SAMMSON: variants seen among roughly 807,000 people sequenced by gnomAD.
SAMMSON encodes the protein survival associated mitochondrial melanoma specific oncogenic non-coding RNA.
intron 4 of SAMMSON, among the ~76,000 whole-genome samples, chr3:70,236,462 A>C (rs1701609957): frequency 6.6e-6 from 1 of 152,172 alleles, no homozygotes; most frequent in Admixed American, 6.5e-5. Flanking sequence ...TCCCACTTGC[A>C]ACATGTTCTT....
chr3:70,396,808 G>A (rs914966834), intron 2 of SAMMSON, among the ~76,000 whole-genome samples: 1 of 152,134 alleles, frequency 6.6e-6, no homozygotes, highest in Non-Finnish European at 1.5e-5. Context: ...GGAATGCAAA[G>A]ACATCATCTC....
chr3:70,219,985 G>A (rs1274379447), intron 4 of SAMMSON, among the ~76,000 whole-genome samples: 2 of 152,018 alleles, frequency 1.3e-5, no homozygotes. Context: ...CTAAAATTTA[G>A]TAAAAAGAGA....
chr3:70,432,815 C>G lies in SAMMSON; in HGVS notation n.234-29745C>G, dbSNP rs544470029. 1.2e-4 allele frequency among the ~76,000 whole-genome samples: 18 copies of G among 152,118 alleles called. No individual in the cohort carries two copies. In the East Asian group the frequency reaches 1.5e-3, roughly 13 times the overall value. On this transcript the variant is annotated intron_variant and non_coding_transcript_variant, in intron 2 of 3. Coordinates refer to the SAMMSON transcript ENST00000641053. ...AATACCCCGTGCTCCACCTATTCATCCCTCCCTCTTTCACCCAGAATCCCT... is the reference window on the plus strand; with the variant it reads ...AATACCCCGTGCTCCACCTATTCATGCCTCCCTCTTTCACCCAGAATCCCT...
intron 9 of SAMMSON, among the ~76,000 whole-genome samples, chr3:70,365,438 A>G (rs1371089454): frequency 6.6e-6 from 1 of 151,768 alleles, no homozygotes; most frequent in Non-Finnish European, 1.5e-5. Context: ...CTGTACCTAT[A>G]TTAGACTCAA....
chr3:70,031,418 A>T (rs1454088881), intron 3 of SAMMSON, among the ~76,000 whole-genome samples: 1 of 152,120 alleles, frequency 6.6e-6, no homozygotes, highest in Non-Finnish European at 1.5e-5. Context: ...TTTAATGGGT[A>T]CAAAGTTTCC....
At chr3:70,300,743 A>AACCC (rs1257728119) in intron 7 of SAMMSON, among the ~76,000 whole-genome samples, 1 of 152,100 alleles carries the variant, frequency 6.6e-6, no homozygotes, top group African/African-American at 2.4e-5. Flanking sequence ...AATGTTACAA[A>AACCC]ACCCATACTT....
intron 4 of SAMMSON, chr3:70,126,499 C>A: frequency 6.3e-6 from 4 of 630,510 alleles, no homozygotes; most frequent in South Asian, 5.1e-5. Context: ...CCTCAGCGGT[C>A]AGCTCAGCTG....
intron 4 of SAMMSON, among the ~76,000 whole-genome samples, chr3:70,135,375 T>G (rs977449755): frequency 4.6e-5 from 7 of 152,202 alleles, no homozygotes; most frequent in African/African-American, 1.7e-4. Flanking sequence ...ATTTCACCTA[T>G]TCACAATTAG....
chr3:70,340,808 G>A (rs1158508323), intron 7 of SAMMSON, among the ~76,000 whole-genome samples: 3 of 152,028 alleles, frequency 2.0e-5, no homozygotes, highest in Admixed American at 2.0e-4. Context: ...TTACTTAGCT[G>A]ATTTTGCTTG....
At position 70,232,683 on chromosome 3, in the gene SAMMSON, TC is replaced by T. The variant is rs1701571844; in HGVS notation, n.508-16422del. 2.6e-5 allele frequency among the ~76,000 whole-genome samples: 4 copies of T among 152,008 alleles called. 1 individual carries two copies. In the South Asian group the frequency reaches 8.3e-4, roughly 32 times the overall value. On this transcript the variant is annotated intron_variant and non_coding_transcript_variant, in intron 4 of 9. Coordinates refer to ENST00000642114, the Ensembl canonical transcript of SAMMSON. ...AAAGTGCTTAGGATGAAGACATCAT[TC>T]CTGAAACCCCTCAACAAGAGAGGTA...
chr3:70,053,642 A>G (rs2067155117), intron 3 of SAMMSON, among the ~76,000 whole-genome samples: 1 of 152,100 alleles, frequency 6.6e-6, no homozygotes, highest in African/African-American at 2.4e-5. Flanking sequence ...CTGGATGCAT[A>G]TATATTTTGA....
At chr3:70,007,899 G>A (rs533008432) in intron 1 of SAMMSON, among the ~76,000 whole-genome samples, 5 of 151,970 alleles carry the variant, frequency 3.3e-5, no homozygotes, top group Non-Finnish European at 7.4e-5. Context: ...TTTGTTAAAT[G>A]GGGAATCCTT....
intron 4 of SAMMSON, among the ~76,000 whole-genome samples, chr3:70,146,914 T>G (rs1209471197): frequency 1.3e-5 from 2 of 151,984 alleles, no homozygotes; most frequent in East Asian, 3.9e-4. Flanking sequence ...GATATAATTA[T>G]TAATGTAGAA....
chr3:70,029,930 C>T (rs2067058127), intron 3 of SAMMSON, among the ~76,000 whole-genome samples: 1 of 152,166 alleles, frequency 6.6e-6, no homozygotes, highest in East Asian at 1.9e-4. Flanking sequence ...GAGAGATTCT[C>T]ACTTCTAGAA....
chr3:70,433,755 G>A (rs942369565), intron 2 of SAMMSON, among the ~76,000 whole-genome samples: 4 of 152,102 alleles, frequency 2.6e-5, no homozygotes, highest in Non-Finnish European at 5.9e-5. Flanking sequence ...TTCCCCCCAT[G>A]TTATGTAATA....
At position 70,144,003 on chromosome 3, in the gene SAMMSON, T is replaced by A. The variant is rs530451710; in HGVS notation, n.507+72438T>A. On this transcript the variant is annotated intron_variant and non_coding_transcript_variant, in intron 4 of 9. Coordinates refer to ENST00000642114, the Ensembl canonical transcript of SAMMSON. ...AAACATTTTTGAAGACAACTTTGGA[T>A]TCCTATCAAAGTACACTTAGATATT... Among the ~76,000 whole-genome samples, 5 of 152,302 alleles carry A rather than the reference T, an allele frequency of 3.3e-5. No homozygotes were observed. The South Asian group carries it at 1.0e-3, about 32-fold the overall frequency.
intron 4 of SAMMSON, among the ~76,000 whole-genome samples, chr3:70,186,556 C>A (rs561987903): frequency 6.6e-6 from 1 of 152,032 alleles, no homozygotes; most frequent in South Asian, 2.1e-4. Flanking sequence ...GGATTACAGG[C>A]GTGAGCCAGC....
At chr3:70,028,031 T>C (rs1467336437) in intron 3 of SAMMSON, among the ~76,000 whole-genome samples, 1 of 152,190 alleles carries the variant, frequency 6.6e-6, no homozygotes, top group Non-Finnish European at 1.5e-5. Context: ...AAAAGCCACT[T>C]AATACTTTAC....
At chr3:70,334,528 T>C (rs1307995900) in intron 7 of SAMMSON, among the ~76,000 whole-genome samples, 2 of 152,092 alleles carry the variant, frequency 1.3e-5, no homozygotes, top group African/African-American at 4.8e-5. Flanking sequence ...GACAATGTTT[T>C]CCTTCTTGCT....
Sources: gnomAD v4.1 joint callset for allele counts (sites outside exome capture counted in the v4.1 genomes callset) on GRCh38, gnomAD v4.1.1 for gene constraint, MANE v1.5 for transcripts, NCBI Gene and HGNC (gene_info 2026-07-23, HGNC 2026-07-21) for gene names.